CELF4: variants seen among roughly 807,000 people sequenced by gnomAD.
CELF4 encodes CUGBP Elav-like family member 4.
A neutral mutation model predicts 59.9 loss-of-function variants in CELF4; 18 were observed. That is an observed-to-expected ratio of 0.30 (90% CI 0.21 to 0.45). The LOEUF (loss-of-function observed/expected upper bound fraction) is 0.45. Among genes scored for constraint, CELF4 ranks in the 20% least tolerant of loss-of-function variants. The pLI, the probability that CELF4 is intolerant of heterozygous loss-of-function variation, is 1.00. For missense variants in CELF4, 456 were observed against 689.0 expected, an observed-to-expected ratio of 0.66 and a Z score of 3.79; for synonymous variants, 261 against 267.1, an observed-to-expected ratio of 0.98 and a Z score of 0.22.
At chr18:37,513,627 T>A (rs986139869) in intron 1 of CELF4, among the ~76,000 whole-genome samples, 4 of 152,218 alleles carry the variant, frequency 2.6e-5, no homozygotes, top group African/African-American at 9.6e-5. Flanking sequence ...CAGCTCTACC[T>A]ACTAAGCTTC....
chr18:37,470,872 GTGTGTGTGT>G (rs1569569542), intron 2 of CELF4, among the ~76,000 whole-genome samples: 122 of 121,128 alleles, frequency 1.0e-3, no homozygotes, highest in Middle Eastern at 4.2e-3. Flanking sequence ...GTGTGTGTGT[GTGTGTGTGT>G]GTGTGTGACA....
chr18:37,297,647 A>C (rs1427374773), intron 3 of CELF4, among the ~76,000 whole-genome samples: 1 of 152,276 alleles, frequency 6.6e-6, no homozygotes, highest in East Asian at 1.9e-4. Flanking sequence ...CTGTGAAGAT[A>C]TAGAGCATTT....
At chr18:37,453,260 T>C (rs1270161432) in intron 2 of CELF4, among the ~76,000 whole-genome samples, 1 of 152,262 alleles carries the variant, frequency 6.6e-6, no homozygotes, top group Non-Finnish European at 1.5e-5. Context: ...TATGTGTGTG[T>C]TCTTGCCATT....
At chr18:37,334,173 A>C (rs1254072495) in intron 2 of CELF4, among the ~76,000 whole-genome samples, 3 of 152,180 alleles carry the variant, frequency 2.0e-5, no homozygotes, top group African/African-American at 7.2e-5. Context: ...TAGTGATTAG[A>C]AAGGAGGCAT....
intron 3 of CELF4, among the ~76,000 whole-genome samples, chr18:37,299,763 A>G (rs2095879098): frequency 1.3e-5 from 2 of 152,210 alleles, no homozygotes; most frequent in Non-Finnish European, 2.9e-5. Flanking sequence ...GGTTTTCTGG[A>G]AGCCAGCCAG....
chr18:37,565,108 C>T (rs2154606446), intron 1 of CELF4, among the ~76,000 whole-genome samples: 1 of 152,272 alleles, frequency 6.6e-6, no homozygotes, highest in East Asian at 1.9e-4. Context: ...TCTTTCTCTT[C>T]ATCGGCGCCC....
chr18:37,516,373 G>A (rs974856896), intron 1 of CELF4, among the ~76,000 whole-genome samples: 6 of 152,204 alleles, frequency 3.9e-5, no homozygotes, highest in African/African-American at 1.4e-4. Flanking sequence ...TTCAAGTCAG[G>A]GGCCCTGCTA....
At chr18:37,419,258 G>A (rs1168640660) in intron 2 of CELF4, among the ~76,000 whole-genome samples, 1 of 152,210 alleles carries the variant, frequency 6.6e-6, no homozygotes, top group African/African-American at 2.4e-5. Flanking sequence ...ACTTTTAAGT[G>A]GTGAAACTGC....
intron 2 of CELF4, among the ~76,000 whole-genome samples, chr18:37,457,094 C>T (rs1424383327): frequency 6.6e-6 from 1 of 152,186 alleles, no homozygotes; most frequent in Non-Finnish European, 1.5e-5. Flanking sequence ...GAGGTGGCTG[C>T]TTCTATCACT....
chr18:37,503,599 C>T (rs1414185331), intron 1 of CELF4, among the ~76,000 whole-genome samples: 2 of 152,216 alleles, frequency 1.3e-5, no homozygotes, highest in Non-Finnish European at 1.5e-5. Context: ...TTCTGAGACT[C>T]ATGCGTGGAG....
intron 3 of CELF4, chr18:37,305,892 T>C (rs992897774): frequency 2.6e-5 from 4 of 152,234 alleles, no homozygotes; most frequent in African/African-American, 9.6e-5. Flanking sequence ...CCCTCTCTTC[T>C]AATTGTTTCC....
chr18:37,485,102 G>T (rs949455820), intron 2 of CELF4, among the ~76,000 whole-genome samples: 2 of 152,302 alleles, frequency 1.3e-5, no homozygotes, highest in East Asian at 3.9e-4. Context: ...TATCAAAGAC[G>T]AGGGCTGGCT....
chr18:37,289,962 A>G (rs2154411369), intron 3 of CELF4, among the ~76,000 whole-genome samples: 1 of 152,366 alleles, frequency 6.6e-6, no homozygotes, highest in Middle Eastern at 3.4e-3. Context: ...TGATTTTGCC[A>G]GAAAGTGTCC....
chr18:37,314,475 A>AAAAG (rs2096790287), intron 3 of CELF4, among the ~76,000 whole-genome samples: 1 of 152,188 alleles, frequency 6.6e-6, no homozygotes, highest in Admixed American at 6.5e-5. Context: ...GACAGACAGA[A>AAAAG]AAAGAAAGAA....
chr18:37,426,036 T>C (rs1786790), intron 2 of CELF4, among the ~76,000 whole-genome samples: 140,053 of 152,220 alleles, frequency 0.92, 65,589 homozygotes, highest in East Asian at 1. Context: ...CAGACCAGGA[T>C]ATAGCCCCAG....
chr18:37,441,216 T>C (rs568698057), intron 2 of CELF4, among the ~76,000 whole-genome samples: 2 of 152,184 alleles, frequency 1.3e-5, no homozygotes, highest in Admixed American at 1.3e-4. Context: ...CAGCTCCCTG[T>C]CTGCTTTCCA....
intron 2 of CELF4, among the ~76,000 whole-genome samples, chr18:37,370,680 C>T (rs539444076): frequency 1.0e-3 from 154 of 152,236 alleles, no homozygotes; most frequent in Middle Eastern, 6.8e-3. Flanking sequence ...GTTGTCTTTT[C>T]GAGCCCCAGA....
chr18:37,496,191 A>C (rs906689326), intron 1 of CELF4, among the ~76,000 whole-genome samples: 20 of 152,170 alleles, frequency 1.3e-4, no homozygotes, highest in Admixed American at 9.8e-4. Flanking sequence ...CTCCTTCGAA[A>C]ATGTCTGATG....
chr18:37,328,490 C>T (rs2097410044), intron 2 of CELF4, among the ~76,000 whole-genome samples: 1 of 152,160 alleles, frequency 6.6e-6, no homozygotes, highest in Admixed American at 6.5e-5. Context: ...TGGCTCCCTG[C>T]TCAGCAGAAG....
Sources: gnomAD v4.1 joint callset for allele counts (sites outside exome capture counted in the v4.1 genomes callset) on GRCh38, gnomAD v4.1.1 for gene constraint, MANE v1.5 for transcripts, NCBI Gene and HGNC (gene_info 2026-07-23, HGNC 2026-07-21) for gene names.